METTL17: variants seen among roughly 807,000 people sequenced by gnomAD.
METTL17 encodes methyltransferase like 17, also known as ribosome assembly protein METTL17, mitochondrial.
A neutral mutation model predicts 59.4 loss-of-function variants in METTL17; 49 were observed. The ratio of observed to expected loss-of-function variants is 0.82; its 90% CI spans 0.66 to 1.05. The LOEUF (loss-of-function observed/expected upper bound fraction) is 1.05. Among genes scored for constraint, METTL17 ranks in the 50% least tolerant of loss-of-function variants. The probability of loss-of-function intolerance (pLI) is 0.00; values close to 1 mark genes in which losing one functional copy is unlikely to be tolerated. For missense variants in METTL17, 555 were observed against 578.4 expected, an observed-to-expected ratio of 0.96 and a Z score of 0.41; for synonymous variants, 208 against 209.2, an observed-to-expected ratio of 0.99 and a Z score of 0.05.
At chr14:20,994,457 T>C (rs529968119) in intron 7 of METTL17, 86 bp from the exon 8 acceptor site, 391 of 1,154,150 alleles carry the variant, frequency 3.4e-4, no homozygotes, top group Middle Eastern at 6.4e-4. Context: ...TTACCTATTC[T>C]TGGGGCCATG....
In METTL17 at chr14:20,992,216, C is replaced by T; in HGVS notation, c.446+11C>T. 1 of 1,538,562 alleles carries T rather than the reference C, an allele frequency of 6.5e-7. No individual in the cohort carries two copies. On this transcript the variant is annotated intron_variant, in intron 4 of 13. Transcript: ENST00000339374. ...TTGGCAAGAACTGAGGTAAGGGGGC[C>T]CAGAAGAGGTGCACAAGAAAGCAAA...
In METTL17 at chr14:20,996,904, C is replaced by T. The variant is rs779747586; in HGVS notation, c.*14C>T. 5.6e-6 allele frequency: 9 copies of T among 1,594,696 alleles called. No individual in the cohort carries two copies. The highest frequency in any genetic ancestry group is 1.1e-5 in the South Asian group (1 of 90,668). On this transcript the variant is annotated 3_prime_UTR_variant, in exon 14 of 14. Transcript: ENST00000339374. ...TCTGAGAGTTGATGAGGATGTGTAACAAGTATTTTCTTCTATCGTGCCTGC... is the reference window on the plus strand; with the variant it reads ...TCTGAGAGTTGATGAGGATGTGTAATAAGTATTTTCTTCTATCGTGCCTGC...
chr14:20,995,871 C>T (rs758784594), intron 10 of METTL17, 30 bp from the exon 11 acceptor site: 1 of 1,606,210 alleles, frequency 6.2e-7, no homozygotes, highest in South Asian at 1.1e-5. Context: ...CTTGGCCCAG[C>T]TTTATTTCTT....
Position 20,995,863 on chromosome 14 carries a change from T to G in METTL17, c.946-38T>G, listed in dbSNP as rs750807737. ...AGATTGAATTATGAAAATAGACCCT[T>G]GGCCCAGCTTTATTTCTTTTATTTC... On this transcript the variant is annotated intron_variant, in intron 10 of 13. Coordinates refer to ENST00000339374, the MANE Select transcript of METTL17 (RefSeq NM_022734.3). 1.9e-6 allele frequency: 3 copies of G among 1,581,444 alleles called. No individual in the cohort carries two copies. The East Asian group carries it at 6.7e-5, about 35-fold the overall frequency.
intron 12 of METTL17, 40 bp downstream of exon 12, chr14:20,996,332 T>TG (rs772863926): frequency 1.3e-6 from 2 of 1,586,432 alleles, no homozygotes; most frequent in Admixed American, 3.5e-5. Context: ...GCAAACATCC[T>TG]GGAAAAACAG....
chr14:20,996,136 C>G, intron 11 of METTL17, 73 bp from the exon 12 acceptor site: 1 of 1,446,428 alleles, frequency 6.9e-7, no homozygotes, highest in Non-Finnish European at 9.7e-7. Flanking sequence ...CCTTTTGACT[C>G]TATTATTCTC....
rs1594346171 is a variant in METTL17, at chr14:20,996,858, C to A, written c.1339C>A (p.Pro447Thr). ...LPVLTPSAFP[P>T]STAQDPSES ...TGTGCTTACTCCGTCTGCGTTTCCT[C>A]CATCTACGGCTCAGGATCCCTCTGA... is the stretch of plus-strand genomic sequence containing the variant. Residue 447 changes from proline to threonine, a missense_variant, in exon 14 of 14, where the codon CCA becomes ACA. Coordinates refer to ENST00000339374, the MANE Select transcript of METTL17 (RefSeq NM_022734.3). The A allele has an allele frequency of 3.1e-6, 5 of 1,612,736 alleles. No individual in the cohort carries two copies. In the Admixed American group the frequency reaches 8.3e-5, roughly 27 times the overall value.
chr14:20,992,671 T>C (rs1247809966), intron 5 of METTL17, 49 bp downstream of exon 5: 2 of 1,411,192 alleles, frequency 1.4e-6, no homozygotes, highest in Non-Finnish European at 1.0e-6. Flanking sequence ...ATCAGTTCCC[T>C]ATTCATAAAG....
Position 20,994,615 on chromosome 14 carries a change from C to T in METTL17, c.768+2C>T, listed in dbSNP as rs1227225938. On this transcript the variant is annotated splice_donor_variant, in intron 8 of 13. Transcript: ENST00000339374. LOFTEE classifies it low-confidence loss of function (GC_TO_GT_DONOR). ...CAGTTTCTACCTGTATCACCCAAGGCAAGTGGCAGTGTTTAGAATATTCTA... is the reference window on the plus strand; with the variant it reads ...CAGTTTCTACCTGTATCACCCAAGGTAAGTGGCAGTGTTTAGAATATTCTA... The T allele has an allele frequency of 3.1e-6, 5 of 1,613,502 alleles. No individual in the cohort carries two copies. Among genetic ancestry groups the T allele is most frequent in the African/African-American group, 1.3e-5 (1 of 74,914 alleles).
At chr14:20,996,347 A>G in intron 12 of METTL17, 55 bp downstream of exon 12, 1 of 1,574,024 alleles carries the variant, frequency 6.4e-7, no homozygotes, top group Non-Finnish European at 8.7e-7. Flanking sequence ...AAACAGGAAG[A>G]AAAAGAATCA....
intron 5 of METTL17, chr14:20,992,851 T>G (rs1233679784): frequency 3.3e-6 from 2 of 604,420 alleles, no homozygotes; most frequent in South Asian, 4.1e-5. Flanking sequence ...ATCTCCACTG[T>G]ACTCCAGCCT....
intron 6 of METTL17, 169 bp from the exon 7 acceptor site, chr14:20,993,800 G>T: frequency 9.4e-6 from 4 of 426,230 alleles, no homozygotes; most frequent in South Asian, 7.9e-5. Context: ...TTTAGGAGTT[G>T]TAAATAAAAC....
At chr14:20,990,142 G>A in intron 1 of METTL17, 65 bp downstream of exon 1, 3 of 1,606,898 alleles carry the variant, frequency 1.9e-6, no homozygotes, top group Non-Finnish European at 2.5e-6. Context: ...CCGCGCAGAG[G>A]AGGAGCGCTC....
chr14:20,996,715 T>TG lies in METTL17; in HGVS notation c.1265+10dup, dbSNP rs771419748. ...TCACAGCCCGCCGGCACGGCAGGTATGGGGGGTGTGACCAAAATCAGTGGG... is the reference window on the plus strand; with the variant it reads ...TCACAGCCCGCCGGCACGGCAGGTATGGGGGGGTGTGACCAAAATCAGTGGG... On this transcript the variant is annotated splice_donor_region_variant and intron_variant, in intron 13 of 13. Transcript: ENST00000339374. 9.3e-6 allele frequency: 15 copies of TG among 1,614,084 alleles called. No homozygotes were observed. The highest frequency in any genetic ancestry group is 1.3e-5 in the Non-Finnish European group (15 of 1,180,046).
intron 5 of METTL17, 26 bp from the exon 6 acceptor site, chr14:20,993,092 C>T: frequency 1.2e-6 from 2 of 1,603,742 alleles, no homozygotes; most frequent in Non-Finnish European, 1.7e-6. Context: ...AATTACCCTA[C>T]TGTGGGATGT....
chr14:20,995,081 T>A, intron 9 of METTL17, 84 bp from the exon 10 acceptor site: 1 of 1,338,102 alleles, frequency 7.5e-7, no homozygotes, highest in Non-Finnish European at 1.1e-6. Context: ...TCCTTCTCCC[T>A]CTATGATTGC....
At chr14:20,994,499 C>G (rs763911325) in intron 7 of METTL17, 44 bp from the exon 8 acceptor site, 3 of 1,509,724 alleles carry the variant, frequency 2.0e-6, no homozygotes, top group Admixed American at 3.4e-5. Context: ...CAGTTTATAC[C>G]TAACTTCCTA....
rs377620929 is a variant in METTL17 at position 20,995,858 on chromosome 14, A to G, written c.946-43A>G. 22 of 1,544,394 alleles carry G rather than the reference A, an allele frequency of 1.4e-5. No individual in the cohort carries two copies. In the African/African-American group the frequency reaches 2.9e-4, roughly 20 times the overall value. ...TGCAGAGATTGAATTATGAAAATAG[A>G]CCCTTGGCCCAGCTTTATTTCTTTT... On this transcript the variant is annotated intron_variant, in intron 10 of 13. Coordinates refer to ENST00000339374, the MANE Select transcript of METTL17 (RefSeq NM_022734.3).
chr14:20,990,090 A>G lies in METTL17; in HGVS notation c.75+13A>G, dbSNP rs753234139. Reference sequence around the variant, plus strand: ...TCCCCAGGCCCGGGTGAGTGCCTACATTCCCTGCTGTCGGAGAGACTCTGG... The same window carrying G: ...TCCCCAGGCCCGGGTGAGTGCCTACGTTCCCTGCTGTCGGAGAGACTCTGG... On this transcript the variant is annotated intron_variant, in intron 1 of 13. Coordinates refer to ENST00000339374, the MANE Select transcript of METTL17 (RefSeq NM_022734.3). 1.9e-6 allele frequency: 3 copies of G among 1,612,724 alleles called. No homozygotes were observed. Among genetic ancestry groups the G allele is most frequent in the Non-Finnish European group, 2.5e-6 (3 of 1,180,024 alleles).
Sources: allele counts gnomAD v4.1 joint callset, GRCh38; gene constraint gnomAD v4.1.1; transcripts MANE v1.5; gene names NCBI Gene and HGNC (gene_info 2026-07-23, HGNC 2026-07-21).